The following MAGI2 variants were observed in gnomAD, a reference collection of about 807,000 sequenced individuals.
The protein encoded by MAGI2 is membrane associated guanylate kinase, WW and PDZ domain containing 2, also known as membrane-associated guanylate kinase, WW and PDZ domain-containing protein 2.
A neutral mutation model predicts 133.3 loss-of-function variants in MAGI2; 35 were observed. The observed-to-expected ratio is 0.26, with a 90% CI of 0.20 to 0.35. The LOEUF is 0.35. MAGI2 is among the 10% of genes least tolerant of loss of function. The pLI is 1.00. For missense variants in MAGI2, 1,636 were observed against 1,863.4 expected, an observed-to-expected ratio of 0.88 and a Z score of 2.25; for synonymous variants, 729 against 710.6, an observed-to-expected ratio of 1.03 and a Z score of -0.41.
At chr7:78,671,257 T>A (rs1405050053) in intron 2 of MAGI2, among the ~76,000 whole-genome samples, 1 of 149,070 alleles carries the variant, frequency 6.7e-6, no homozygotes, top group African/African-American at 2.5e-5. Flanking sequence ...TTGCAAAACA[T>A]AATTTAATTG....
chr7:78,644,833 G>C (rs2150996967), intron 2 of MAGI2, among the ~76,000 whole-genome samples: 1 of 152,064 alleles, frequency 6.6e-6, no homozygotes, highest in South Asian at 2.1e-4. Context: ...TCAATAGCTG[G>C]CTAAGAGAAA....
At chr7:78,648,935 A>G (rs116726750) in intron 2 of MAGI2, among the ~76,000 whole-genome samples, 98 of 152,176 alleles carry the variant, frequency 6.4e-4, no homozygotes, top group African/African-American at 2.3e-3. Flanking sequence ...CAGGTCTACA[A>G]CAATTTTCAC....
At chr7:78,456,446 T>G (rs959963268) in intron 6 of MAGI2, among the ~76,000 whole-genome samples, 9 of 152,170 alleles carry the variant, frequency 5.9e-5, no homozygotes, top group African/African-American at 2.2e-4. Flanking sequence ...ACTTATGCAT[T>G]TATTTTTTAA....
chr7:79,002,345 G>A (rs2077160823), intron 2 of MAGI2, among the ~76,000 whole-genome samples: 1 of 151,540 alleles, frequency 6.6e-6, no homozygotes, highest in South Asian at 2.1e-4. Flanking sequence ...GTAGAGATGG[G>A]GTTTCCCAGG....
intron 6 of MAGI2, among the ~76,000 whole-genome samples, chr7:78,436,766 A>G (rs1355762284): frequency 6.6e-6 from 1 of 152,086 alleles, no homozygotes; most frequent in African/African-American, 2.4e-5. Context: ...CCCCTGATAC[A>G]TCACAACTCA....
chr7:79,391,540 C>T (rs200631844), intron 1 of MAGI2, among the ~76,000 whole-genome samples: 913 of 46,416 alleles, frequency 0.02, 22 homozygotes, highest in East Asian at 0.086. Flanking sequence ...TATATATAGA[C>T]ATATATATAT....
At chr7:78,812,061 G>A (rs1789110744) in intron 2 of MAGI2, among the ~76,000 whole-genome samples, 1 of 152,064 alleles carries the variant, frequency 6.6e-6, no homozygotes, top group African/African-American at 2.4e-5. Context: ...CAATAGTGGG[G>A]ACACCATAAG....
chr7:78,021,401 A>G (rs1257324470), intron 21 of MAGI2, among the ~76,000 whole-genome samples: 3 of 152,142 alleles, frequency 2.0e-5, no homozygotes, highest in African/African-American at 7.2e-5. Context: ...CCACACAGCA[A>G]CCTCAGTGCA....
chr7:78,509,331 CAT>C (rs1178861181), intron 4 of MAGI2: 1 of 152,094 alleles, frequency 6.6e-6, no homozygotes, highest in Middle Eastern at 3.2e-3. Flanking sequence ...TCTATAAAAA[CAT>C]ATTTTATTAA....
At chr7:78,595,859 G>A (rs1804535541) in intron 3 of MAGI2, among the ~76,000 whole-genome samples, 1 of 152,096 alleles carries the variant, frequency 6.6e-6, no homozygotes, top group South Asian at 2.1e-4. Context: ...TGAGTAGAGG[G>A]AGAGGTCAGA....
intron 2 of MAGI2, among the ~76,000 whole-genome samples, chr7:78,714,845 CA>C (rs1819550755): frequency 6.6e-6 from 1 of 152,180 alleles, no homozygotes; most frequent in Non-Finnish European, 1.5e-5. Flanking sequence ...AAAACAGCCT[CA>C]TATTGTGTCT....
intron 6 of MAGI2, among the ~76,000 whole-genome samples, chr7:78,418,830 T>C (rs1169120394): frequency 2.0e-5 from 3 of 152,116 alleles, no homozygotes; most frequent in South Asian, 2.1e-4. Context: ...GCCTCGTACA[T>C]AGTAAATGAG....
intron 3 of MAGI2, among the ~76,000 whole-genome samples, chr7:78,546,239 A>AG (rs1225414607): frequency 6.6e-6 from 1 of 152,210 alleles, no homozygotes; most frequent in Non-Finnish European, 1.5e-5. Context: ...TTTGGCAGAT[A>AG]GGTACTCCCT....
At chr7:79,238,902 A>G (rs1438800589) in intron 1 of MAGI2, among the ~76,000 whole-genome samples, 1 of 152,126 alleles carries the variant, frequency 6.6e-6, no homozygotes, top group Non-Finnish European at 1.5e-5. Context: ...CATTTTTCAA[A>G]CTGGGTCTGA....
At chr7:79,197,906 G>A (rs753594300) in intron 1 of MAGI2, among the ~76,000 whole-genome samples, 1 of 151,738 alleles carries the variant, frequency 6.6e-6, no homozygotes, top group Non-Finnish European at 1.5e-5. Context: ...TTATTGCATT[G>A]TGGATTACAT....
Position 78,660,699 on chromosome 7 carries a change from A to G in MAGI2, c.419-33460T>C, listed in dbSNP as rs192197073. ...ATTTCTAAATGCTTTAGGAACTTGAATATCTTTTTACTTAGAACATTTCTC... is the reference window on the plus strand; with the variant it reads ...ATTTCTAAATGCTTTAGGAACTTGAGTATCTTTTTACTTAGAACATTTCTC... On this transcript the variant is annotated intron_variant, in intron 2 of 21. Coordinates refer to ENST00000354212, the MANE Select transcript of MAGI2 (RefSeq NM_012301.4). Among the ~76,000 whole-genome samples, 232 of 152,324 alleles carry G rather than the reference A, an allele frequency of 1.5e-3. 1 individual carries two copies. The highest frequency in any genetic ancestry group is 5.3e-3 in the African/African-American group (222 of 41,578).
intron 2 of MAGI2, among the ~76,000 whole-genome samples, chr7:78,758,580 A>C (rs985578331): frequency 2.0e-5 from 3 of 152,200 alleles, no homozygotes; most frequent in Admixed American, 2.0e-4. Context: ...GGTACATATC[A>C]CATGCACATC....
chr7:78,174,748 C>G (rs1826431137), intron 14 of MAGI2, among the ~76,000 whole-genome samples: 1 of 152,172 alleles, frequency 6.6e-6, no homozygotes, highest in Admixed American at 6.5e-5. Flanking sequence ...ACCCGAAAGA[C>G]CAGCATTGTA....
At chr7:78,089,535 T>A (rs1384657589) in intron 20 of MAGI2, among the ~76,000 whole-genome samples, 1 of 152,206 alleles carries the variant, frequency 6.6e-6, no homozygotes, top group African/African-American at 2.4e-5. Flanking sequence ...TCAAATCCTA[T>A]TGGAGAAACT....
Sources: allele counts gnomAD v4.1 joint callset (sites outside exome capture counted in the v4.1 genomes callset), GRCh38; gene constraint gnomAD v4.1.1; transcripts MANE v1.5; gene names NCBI Gene and HGNC (gene_info 2026-07-23, HGNC 2026-07-21).